PISD: variants seen among roughly 807,000 people sequenced by gnomAD.
PISD encodes phosphatidylserine decarboxylase proenzyme, mitochondrial.
Under a neutral mutation model 43.5 loss-of-function variants are expected in PISD, and 31 were observed. That is an observed-to-expected ratio of 0.71 (90% CI 0.54 to 0.96). PISD has a LOEUF of 0.96. Ranked by LOEUF, PISD falls within the 40% of genes least tolerant of loss-of-function variation. The probability of loss-of-function intolerance (pLI) is 0.00; values close to 1 mark genes in which losing one functional copy is unlikely to be tolerated. For synonymous variants in PISD, 259 were observed against 228.7 expected, an observed-to-expected ratio of 1.13 and a Z score of -1.20; for missense variants, 523 against 548.4, an observed-to-expected ratio of 0.95 and a Z score of 0.46.
At chr22:31,625,887 C>A (rs1436462985) in intron 3 of PISD, 4 of 1,547,562 alleles carry the variant, frequency 2.6e-6, no homozygotes, top group Non-Finnish European at 3.5e-6. Context: ...CTCCCCTTCC[C>A]CCGAGCCAGC....
intron 3 of PISD, chr22:31,625,557 C>T: frequency 4.7e-6 from 3 of 633,170 alleles, no homozygotes; most frequent in South Asian, 3.9e-5. Flanking sequence ...GCTGGGCCCT[C>T]CTCATGGTTG....
chr22:31,639,699 C>A (rs565765315), intron 3 of PISD, among the ~76,000 whole-genome samples: 54 of 152,200 alleles, frequency 3.5e-4, no homozygotes, highest in African/African-American at 1.3e-3. Flanking sequence ...ATCACAACCG[C>A]CACACAAAGG....
chr22:31,637,429 A>G (rs1300909808), intron 3 of PISD, among the ~76,000 whole-genome samples: 2 of 151,732 alleles, frequency 1.3e-5, no homozygotes, highest in South Asian at 4.2e-4. Context: ...ATTTACCATT[A>G]AAAATCTCTC....
At chr22:31,662,319 C>T, upstream of PISD, 1 of 1,116,704 alleles carries the variant, frequency 9.0e-7, no homozygotes, top group Non-Finnish European at 1.3e-6. Context: ...GGGTTGGGGG[C>T]GGAGCCGACT....
At chr22:31,658,641 C>T (rs911865531) in intron 1 of PISD, among the ~76,000 whole-genome samples, 1 of 151,928 alleles carries the variant, frequency 6.6e-6, no homozygotes, top group Admixed American at 6.6e-5. Flanking sequence ...CCTCGACCTC[C>T]TGGGCACAAG....
At chr22:31,632,901 A>C (rs1489097343) in intron 3 of PISD, among the ~76,000 whole-genome samples, 1 of 152,150 alleles carries the variant, frequency 6.6e-6, no homozygotes, top group Non-Finnish European at 1.5e-5. Flanking sequence ...TGCTTCTATC[A>C]ATCAGCCTAT....
In PISD at chr22:31,650,728, CG is replaced by C; in HGVS notation, c.115del (p.Arg39GlyfsTer34). On this transcript the variant is annotated frameshift_variant, in exon 2 of 8. Coordinates refer to ENST00000439502, the MANE Select transcript of PISD (RefSeq NM_001326411.2). LOFTEE classifies it high-confidence loss of function. ...TALSQSLQPL[R>X]KLPFRAFRTD... ...GCGAAAGGCTCTAAAAGGCAGCTTCCGTAAGGGCTGTAGGGATTGGCTCAGG... is the reference window on the plus strand; with the variant it reads ...GCGAAAGGCTCTAAAAGGCAGCTTCCTAAGGGCTGTAGGGATTGGCTCAGG... The C allele has an allele frequency of 1.3e-6, 2 of 1,555,580 alleles. No individual in the cohort carries two copies. The highest frequency in any genetic ancestry group is 1.7e-6 in the Non-Finnish European group (2 of 1,149,412).
At chr22:31,648,848 T>G (rs2073957105) in intron 2 of PISD, among the ~76,000 whole-genome samples, 1 of 152,174 alleles carries the variant, frequency 6.6e-6, no homozygotes, top group South Asian at 2.1e-4. Flanking sequence ...AGTCACAAAA[T>G]GTATTAATAG....
At chr22:31,635,010 T>G (rs753905998) in intron 3 of PISD, among the ~76,000 whole-genome samples, 1 of 150,052 alleles carries the variant, frequency 6.7e-6, no homozygotes, top group Non-Finnish European at 1.5e-5. Context: ...CTACTAAAAA[T>G]ACAAAATTAC....
intron 3 of PISD, 78 bp from the exon 4 acceptor site, chr22:31,621,963 G>T (rs1409329637): frequency 2.7e-6 from 3 of 1,094,890 alleles, no homozygotes; most frequent in Non-Finnish European, 4.1e-6. Context: ...CATTAGCCCA[G>T]CTCTCACTTC....
At position 31,619,560 on chromosome 22, in the gene PISD, C is replaced by A; in HGVS notation, c.*52G>T. 6.7e-7 allele frequency: 1 copy of A among 1,493,416 alleles called. No homozygotes were observed. Among genetic ancestry groups the A allele is most frequent in the Non-Finnish European group, 9.3e-7 (1 of 1,074,314 alleles). The allele number at this position is 1,493,416 out of a possible 1,614,324, so 92.5% of individuals were successfully genotyped here. A position where few individuals can be genotyped will look rare whatever the true frequency, so the allele number is the denominator to read the frequency against. On this transcript the variant is annotated 3_prime_UTR_variant, in exon 8 of 8. Transcript: ENST00000439502. ...TCATGGGCCTCCCTCTTGAAAAGAC[C>A]CTCACTCTGTTTGGAAAAGATCCCT...
intron 3 of PISD, chr22:31,623,929 G>A: frequency 7.4e-7 from 1 of 1,357,984 alleles, no homozygotes; most frequent in South Asian, 1.3e-5. Context: ...CCTGCACCCA[G>A]GGCAGGATTC....
At chr22:31,661,806 C>T (rs150295062) in intron 1 of PISD, among the ~76,000 whole-genome samples, 2 of 152,278 alleles carry the variant, frequency 1.3e-5, no homozygotes, top group African/African-American at 4.8e-5. Flanking sequence ...ATTCCTTCTA[C>T]GAAAACGAAC....
At chr22:31,637,164 AATAT>A (rs61010566) in intron 3 of PISD, among the ~76,000 whole-genome samples, 27 of 13,638 alleles carry the variant, frequency 2.0e-3, no homozygotes, top group South Asian at 3.1e-3. Flanking sequence ...AAAAAAAAAA[AATAT>A]ATATATATAT....
At position 31,619,790 on chromosome 22, in the gene PISD, TCATTGTAGGAGC is replaced by T. The variant is rs768276835; in HGVS notation, c.1040_1051del (p.Gly347_Asn350del). On this transcript the variant is annotated inframe_deletion, in exon 8 of 8. Coordinates refer to ENST00000439502, the MANE Select transcript of PISD (RefSeq NM_001326411.2). ...ATTGGTGTGCGTCACGAAGCTGAAG[TCATTGTAGGAGC>T]CCTTGCTGTGCCTTGGGCTGTTTGT... 2 of 1,614,160 alleles carry T rather than the reference TCATTGTAGGAGC, an allele frequency of 1.2e-6. No individual in the cohort carries two copies. The highest frequency in any genetic ancestry group is 1.7e-6 in the Non-Finnish European group (2 of 1,180,032).
At position 31,618,827 on chromosome 22, in the gene PISD, G is replaced by C. The variant is rs2041907488; in HGVS notation, c.*785C>G. Reference sequence around the variant, plus strand: ...ATATTTCATGTAGGGATATGTGGAGGGGGACAGGAACTCTCCCATTTCCCC... The same window carrying C: ...ATATTTCATGTAGGGATATGTGGAGCGGGACAGGAACTCTCCCATTTCCCC... On this transcript the variant is annotated 3_prime_UTR_variant, in exon 8 of 8. Coordinates refer to ENST00000439502, the MANE Select transcript of PISD (RefSeq NM_001326411.2). The C allele has an allele frequency of 6.1e-6, 1 of 162,870 alleles. No homozygotes were observed. The highest frequency in any genetic ancestry group is 1.3e-5 in the Non-Finnish European group (1 of 74,896). 10.1% of individuals were successfully genotyped at this position (162,870 alleles called of 1,614,324 possible).
At chr22:31,634,550 CT>C (rs2073341349) in intron 3 of PISD, among the ~76,000 whole-genome samples, 1 of 152,202 alleles carries the variant, frequency 6.6e-6, no homozygotes, top group Non-Finnish European at 1.5e-5. Flanking sequence ...AGAAAAAGTG[CT>C]TTAGGCCAGA....
In PISD at chr22:31,625,771, C is replaced by T. The variant is rs863223357; in HGVS notation, c.322-3886G>A. ...GGTGGGCAGCATCTCACCATTTCGC[C>T]GCGCGGAGCTCTGGTCCTTGCCGCG... is the stretch of plus-strand genomic sequence containing the variant. On this transcript the variant is annotated intron_variant, in intron 3 of 7. Coordinates refer to ENST00000439502, the MANE Select transcript of PISD (RefSeq NM_001326411.2). 37 of 1,591,462 alleles carry T rather than the reference C, an allele frequency of 2.3e-5. No homozygotes were observed. Among genetic ancestry groups the T allele is most frequent in the East Asian group, 6.8e-5 (3 of 43,910 alleles).
intron 7 of PISD, among the ~76,000 whole-genome samples, chr22:31,620,196 T>C (rs2072447181): frequency 6.6e-6 from 1 of 152,230 alleles, no homozygotes; most frequent in Admixed American, 6.5e-5. Flanking sequence ...CTGCGAGTGC[T>C]GACCCCTCAT....
Sources: gnomAD v4.1 joint callset for allele counts (sites outside exome capture counted in the v4.1 genomes callset) on GRCh38, gnomAD v4.1.1 for gene constraint, MANE v1.5 for transcripts, NCBI Gene and HGNC (gene_info 2026-07-23, HGNC 2026-07-21) for gene names.